Variants in RANBP2 observed in about 807,000 individuals in gnomAD.
The protein encoded by RANBP2 is RAN binding protein 2.
RANBP2 carries 57 observed loss-of-function variants against 303.6 expected under a neutral mutation model. The observed-to-expected ratio is 0.19, with a 90% CI of 0.15 to 0.23. The LOEUF is 0.23. Among genes scored for constraint, RANBP2 ranks in the 10% least tolerant of loss-of-function variants. RANBP2 has a pLI of 1.00. For missense variants in RANBP2, 3,138 were observed against 3,780.8 expected (o/e 0.83, Z 4.46); for synonymous variants, 1,167 against 1,301.5 (o/e 0.90, Z 2.23).
At chr2:109,178,030 G>T in the RANBP2 span, among the ~76,000 whole-genome samples, 1 of 152,130 alleles carries the variant, frequency 6.6e-6, no homozygotes, top group Middle Eastern at 3.2e-3. Context: ...TCTCCCAATT[G>T]TTCAAGTATG....
At chr2:109,123,305 G>C in the RANBP2 span, among the ~76,000 whole-genome samples, 1 of 151,270 alleles carries the variant, frequency 6.6e-6, no homozygotes, top group Non-Finnish European at 1.5e-5. Context: ...CTTCCTCACT[G>C]TGGCTTTTCT....
chr2:109,217,834 C>G, the RANBP2 span, among the ~76,000 whole-genome samples: 1 of 152,190 alleles, frequency 6.6e-6, no homozygotes, highest in East Asian at 1.9e-4. Flanking sequence ...ACCAGCTTCC[C>G]CCAGGCAGGG....
the RANBP2 span, among the ~76,000 whole-genome samples, chr2:109,074,565 GT>G: frequency 6.7e-6 from 1 of 149,478 alleles, no homozygotes; most frequent in Non-Finnish European, 1.5e-5. Context: ...GCAGGGTGTG[GT>G]GGCATGTGCC....
At chr2:109,349,729 C>T in the RANBP2 span, among the ~76,000 whole-genome samples, 3 of 152,226 alleles carry the variant, frequency 2.0e-5, no homozygotes, top group South Asian at 2.1e-4. Context: ...CCACTGTGAA[C>T]GGGCTGTCGC....
At chr2:109,446,010 G>A in the RANBP2 span, among the ~76,000 whole-genome samples, 5 of 152,128 alleles carry the variant, frequency 3.3e-5, no homozygotes, top group Non-Finnish European at 5.9e-5. Flanking sequence ...GGGACCATGG[G>A]TGGTGCTTTC....
the RANBP2 span, among the ~76,000 whole-genome samples, chr2:109,065,385 T>G: frequency 2.6e-5 from 4 of 152,158 alleles, no homozygotes; most frequent in African/African-American, 7.2e-5. Flanking sequence ...TTTGTGTGCG[T>G]GTTTCTGTGG....
At chr2:109,654,062 G>C in the RANBP2 span, among the ~76,000 whole-genome samples, 7 of 152,128 alleles carry the variant, frequency 4.6e-5, no homozygotes, top group Non-Finnish European at 4.4e-5. Flanking sequence ...TCCAGGTGAG[G>C]TCCCTGAGCA....
chr2:108,781,727 TCA>T (rs1678269130), intron 26 of RANBP2, among the ~76,000 whole-genome samples: 1 of 152,216 alleles, frequency 6.6e-6, no homozygotes, highest in African/African-American at 2.4e-5. Flanking sequence ...AACCTCATAC[TCA>T]CTAAAGTCCT....
chr2:109,196,795 G>A, the RANBP2 span, among the ~76,000 whole-genome samples: 4 of 152,182 alleles, frequency 2.6e-5, no homozygotes, highest in African/African-American at 7.2e-5. Flanking sequence ...GGCGCCAATA[G>A]CATACGGTCT....
At chr2:109,093,463 C>T in the RANBP2 span, among the ~76,000 whole-genome samples, 1 of 149,672 alleles carries the variant, frequency 6.7e-6, no homozygotes, top group African/African-American at 2.5e-5. Flanking sequence ...AAATAAACTG[C>T]TTACCATCAC....
chr2:109,470,717 A>T, the RANBP2 span, among the ~76,000 whole-genome samples: 1 of 152,224 alleles, frequency 6.6e-6, no homozygotes, highest in Non-Finnish European at 1.5e-5. Context: ...TAGCAGAGCC[A>T]GAGGTGCAGA....
At chr2:108,733,203 A>G (rs185793574) in intron 4 of RANBP2, among the ~76,000 whole-genome samples, 2 of 145,244 alleles carry the variant, frequency 1.4e-5, no homozygotes, top group East Asian at 2.1e-4. Flanking sequence ...GTATATCCAT[A>G]GTTGGTTCCT....
the RANBP2 span, chr2:108,923,346 G>A: frequency 1.2e-6 from 2 of 1,610,196 alleles, no homozygotes; most frequent in South Asian, 1.1e-5. Flanking sequence ...TACCGTGCTG[G>A]TGGAAGGACA....
At chr2:109,017,905 T>C in the RANBP2 span, among the ~76,000 whole-genome samples, 3 of 152,330 alleles carry the variant, frequency 2.0e-5, no homozygotes, top group Non-Finnish European at 4.4e-5. Context: ...TTATGTATCC[T>C]ACTGTCTTTG....
the RANBP2 span, among the ~76,000 whole-genome samples, chr2:109,304,036 G>A: frequency 1.6e-3 from 249 of 152,034 alleles, no homozygotes; most frequent in African/African-American, 5.5e-3. Flanking sequence ...GGAAAGCAGA[G>A]GTTGCAGTGA....
At chr2:108,811,158 AC>A in the RANBP2 span, among the ~76,000 whole-genome samples, 3 of 95,556 alleles carry the variant, frequency 3.1e-5, no homozygotes, top group Non-Finnish European at 6.3e-5. Context: ...TGCCTTCCCT[AC>A]CCCCCTAACC....
chr2:109,501,200 C>T, the RANBP2 span, among the ~76,000 whole-genome samples: 2 of 151,998 alleles, frequency 1.3e-5, no homozygotes, highest in Admixed American at 6.6e-5. Context: ...AGGGCAGGAG[C>T]GTGGATATGA....
chr2:109,581,231 G>A, the RANBP2 span, among the ~76,000 whole-genome samples: 1 of 152,140 alleles, frequency 6.6e-6, no homozygotes, highest in African/African-American at 2.4e-5. Flanking sequence ...CCTGAGGTCA[G>A]GAGTTCAACA....
the RANBP2 span, among the ~76,000 whole-genome samples, chr2:108,997,870 C>G: frequency 2.6e-5 from 4 of 152,020 alleles, no homozygotes; most frequent in Non-Finnish European, 5.9e-5. Flanking sequence ...CAGCCTGGGC[C>G]ACAGAGTTAG....
Sources: allele counts gnomAD v4.1 joint callset (sites outside exome capture counted in the v4.1 genomes callset), GRCh38; gene constraint gnomAD v4.1.1; transcripts MANE v1.5; gene names NCBI Gene and HGNC (gene_info 2026-07-23, HGNC 2026-07-21).